RBFOX1: variants seen among roughly 807,000 people sequenced by gnomAD.
RBFOX1 encodes the protein RNA binding fox-1 homolog 1, also known as RNA binding protein fox-1 homolog 1.
RBFOX1 carries 8 observed loss-of-function variants against 57.7 expected under a neutral mutation model. That is an observed-to-expected ratio of 0.14 (90% CI 0.08 to 0.25). The LOEUF (loss-of-function observed/expected upper bound fraction) is 0.25, where lower values mean the gene tolerates loss of function less well. Ranked by LOEUF, RBFOX1 falls within the 10% of genes least tolerant of loss-of-function variation. The probability of loss-of-function intolerance (pLI) is 1.00; values close to 1 mark genes in which losing one functional copy is unlikely to be tolerated. For missense variants in RBFOX1, 611 were observed against 548.5 expected, an observed-to-expected ratio of 1.11 and a Z score of -1.14; for synonymous variants, 326 against 222.4, an observed-to-expected ratio of 1.47 and a Z score of -4.15.
At chr16:7,070,974 C>A (rs928565117) in intron 4 of RBFOX1, among the ~76,000 whole-genome samples, 7 of 152,120 alleles carry the variant, frequency 4.6e-5, no homozygotes, top group Admixed American at 4.6e-4. Flanking sequence ...GCAATTTTGC[C>A]CAGAGTGGCA....
intron 2 of RBFOX1, among the ~76,000 whole-genome samples, chr16:6,581,285 C>T (rs1265391093): frequency 1.3e-5 from 2 of 152,174 alleles, no homozygotes; most frequent in Non-Finnish European, 1.5e-5. Context: ...GCACAGGGTT[C>T]TGTGTCTTTG....
intron 3 of RBFOX1, among the ~76,000 whole-genome samples, chr16:5,812,089 G>A (rs992906159): frequency 2.6e-5 from 4 of 152,156 alleles, no homozygotes; most frequent in African/African-American, 9.7e-5. Flanking sequence ...ATGGTTTTCA[G>A]GTTCACCCAC....
intron 2 of RBFOX1, among the ~76,000 whole-genome samples, chr16:5,501,739 G>T (rs1280042739): frequency 2.6e-5 from 4 of 152,100 alleles, no homozygotes; most frequent in Non-Finnish European, 5.9e-5. Context: ...TTAGAGACAA[G>T]ATCTTGCTCT....
Position 5,829,074 on chromosome 16 carries a change from A to G in RBFOX1, c.319-38229A>G, listed in dbSNP as rs185316793. Among the ~76,000 whole-genome samples, 80 of 152,254 alleles carry G rather than the reference A, an allele frequency of 5.3e-4. 2 individuals are homozygous for G. In the South Asian group the frequency reaches 9.5e-3, roughly 18 times the overall value. On this transcript the variant is annotated intron_variant, in intron 3 of 19. Transcript: ENST00000641259. ...AAGCCCTTTCCCTGTGCTGCATTCT[A>G]TTCTTTAGAGGGAAGTCTCTAGCTC... is the stretch of plus-strand genomic sequence containing the variant.
At chr16:6,701,128 T>G (rs2061774663) in intron 3 of RBFOX1, among the ~76,000 whole-genome samples, 1 of 130,796 alleles carries the variant, frequency 7.6e-6, no homozygotes, top group Non-Finnish European at 1.6e-5. Flanking sequence ...AGTGTCTCTG[T>G]GTGTGTATGT....
chr16:7,187,143 T>G (rs991668507), intron 4 of RBFOX1, among the ~76,000 whole-genome samples: 2 of 151,862 alleles, frequency 1.3e-5, no homozygotes, highest in African/African-American at 4.8e-5. Flanking sequence ...CACTCCAGCT[T>G]GGGCGATGGA....
At chr16:7,193,503 C>T (rs1245140623) in intron 4 of RBFOX1, among the ~76,000 whole-genome samples, 1 of 152,228 alleles carries the variant, frequency 6.6e-6, no homozygotes, top group East Asian at 1.9e-4. Context: ...CAAGCTAATA[C>T]AGGCAAGTAA....
At chr16:6,652,526 A>G (rs1305835895) in intron 2 of RBFOX1, among the ~76,000 whole-genome samples, 1 of 152,086 alleles carries the variant, frequency 6.6e-6, no homozygotes, top group Non-Finnish European at 1.5e-5. Flanking sequence ...TATGTGAGGC[A>G]CCATGAGAAG....
chr16:5,455,130 T>C (rs915179709), intron 1 of RBFOX1, among the ~76,000 whole-genome samples: 1 of 151,390 alleles, frequency 6.6e-6, no homozygotes, highest in Non-Finnish European at 1.5e-5. Context: ...TTGACTGATA[T>C]AACAGGCCAC....
intron 4 of RBFOX1, among the ~76,000 whole-genome samples, chr16:7,318,356 A>AGTG (rs1013166202): frequency 6.7e-6 from 1 of 149,726 alleles, no homozygotes; most frequent in Non-Finnish European, 1.5e-5. Context: ...TGGTAGTTGC[A>AGTG]GTGGTGGTGG....
intron 1 of RBFOX1, among the ~76,000 whole-genome samples, chr16:5,440,679 A>G (rs917179257): frequency 1.3e-5 from 2 of 152,186 alleles, no homozygotes; most frequent in African/African-American, 2.4e-5. Context: ...GAGCCACATG[A>G]CAAATGAATC....
intron 2 of RBFOX1, among the ~76,000 whole-genome samples, chr16:5,573,877 C>T (rs118109225): frequency 1.3e-5 from 2 of 152,264 alleles, no homozygotes; most frequent in East Asian, 1.9e-4. Flanking sequence ...TCACCTGAGC[C>T]TGGGAGGTCA....
At chr16:5,380,541 C>T (rs181927102) in intron 1 of RBFOX1, among the ~76,000 whole-genome samples, 12 of 152,294 alleles carry the variant, frequency 7.9e-5, no homozygotes, top group African/African-American at 2.4e-4. Flanking sequence ...TGCCAAGCTG[C>T]GAATAGGACT....
At chr16:7,443,267 A>G (rs2098783252) in intron 4 of RBFOX1, among the ~76,000 whole-genome samples, 1 of 152,092 alleles carries the variant, frequency 6.6e-6, no homozygotes, top group Non-Finnish European at 1.5e-5. Context: ...CATATACCAA[A>G]AGGCAATTTT....
At chr16:5,440,292 C>G (rs141874150) in intron 1 of RBFOX1, among the ~76,000 whole-genome samples, 3 of 152,314 alleles carry the variant, frequency 2.0e-5, no homozygotes, top group Admixed American at 2.0e-4. Flanking sequence ...ATTATATATT[C>G]ACATCCAAGT....
chr16:6,383,806 C>G (rs79267138), intron 2 of RBFOX1, among the ~76,000 whole-genome samples: 4,942 of 151,778 alleles, frequency 0.033, 267 homozygotes, highest in African/African-American at 0.11. Context: ...GCACAACAAA[C>G]AAGAAGAGTT....
At chr16:6,037,756 G>C (rs923401291) in intron 1 of RBFOX1, 3 of 151,852 alleles carry the variant, frequency 2.0e-5, no homozygotes, top group African/African-American at 7.3e-5. Context: ...CACCACGCCA[G>C]GCTAATTTTT....
intron 1 of RBFOX1, among the ~76,000 whole-genome samples, chr16:5,454,572 G>A (rs2068521923): frequency 6.6e-6 from 1 of 152,158 alleles, no homozygotes; most frequent in Non-Finnish European, 1.5e-5. Context: ...AGAAAAGATT[G>A]ACCTCCTTTG....
At chr16:5,390,296 T>C (rs1567435866) in intron 1 of RBFOX1, among the ~76,000 whole-genome samples, 1 of 151,398 alleles carries the variant, frequency 6.6e-6, no homozygotes, top group African/African-American at 2.4e-5. Flanking sequence ...TTTTTCTTTT[T>C]TTTTTTTTTT....
Sources: gnomAD v4.1 joint callset for allele counts (sites outside exome capture counted in the v4.1 genomes callset) on GRCh38, gnomAD v4.1.1 for gene constraint, MANE v1.5 for transcripts, NCBI Gene and HGNC (gene_info 2026-07-23, HGNC 2026-07-21) for gene names.